The following GRIK2 variants were observed in gnomAD, a reference collection of about 807,000 sequenced individuals.
GRIK2 encodes glutamate receptor ionotropic, kainate 2.
Under a neutral mutation model 100.3 loss-of-function variants are expected in GRIK2, and 32 were observed. That is an observed-to-expected ratio of 0.32 (90% CI 0.24 to 0.43). The LOEUF (loss-of-function observed/expected upper bound fraction) is 0.43. Among genes scored for constraint, GRIK2 ranks in the 20% least tolerant of loss-of-function variants. GRIK2 has a pLI of 1.00. For synonymous variants in GRIK2, 417 were observed against 389.4 expected (o/e 1.07, Z -0.83); for missense variants, 843 against 1,114.9 (o/e 0.76, Z 3.47).
At chr6:101,398,741 G>T (rs1373784913) in intron 1 of GRIK2, 1 of 339,586 alleles carries the variant, frequency 2.9e-6, no homozygotes, top group East Asian at 4.7e-5. Flanking sequence ...CTGTCAGATC[G>T]GTTGCATAAT....
At chr6:102,034,281 G>T (rs974094325) in intron 14 of GRIK2, among the ~76,000 whole-genome samples, 2 of 151,144 alleles carry the variant, frequency 1.3e-5, no homozygotes, top group Non-Finnish European at 3.0e-5. Flanking sequence ...CTGTAATATT[G>T]TGGGCCTGCC....
In GRIK2 at chr6:101,488,510, C is replaced by A. The variant is rs779892311; in HGVS notation, c.115+89118C>A. On this transcript the variant is annotated intron_variant, in intron 2 of 16. Transcript: ENST00000369134. ...TTTGTGTGAGGTTTATCAGAGAGAT[C>A]ATCAAGAGAATTATTTTCACTTTTG... Among the ~76,000 whole-genome samples the A allele has an allele frequency of 4.8e-5, 7 of 146,578 alleles. 1 individual carries two copies. Among genetic ancestry groups the A allele is most frequent in the Non-Finnish European group, 1.1e-4 (7 of 66,578 alleles).
At chr6:101,721,859 A>T (rs1485862791) in intron 7 of GRIK2, among the ~76,000 whole-genome samples, 1 of 151,974 alleles carries the variant, frequency 6.6e-6, no homozygotes, top group Non-Finnish European at 1.5e-5. Flanking sequence ...TTAAGAAATT[A>T]CTTCTCACAA....
intron 14 of GRIK2, among the ~76,000 whole-genome samples, chr6:102,013,768 C>G (rs1795675306): frequency 6.6e-6 from 1 of 152,090 alleles, no homozygotes; most frequent in African/African-American, 2.4e-5. Flanking sequence ...CCTTGAATCC[C>G]AGGGAAAATG....
chr6:101,491,094 G>A (rs1416324526), intron 2 of GRIK2, among the ~76,000 whole-genome samples: 1 of 117,028 alleles, frequency 8.5e-6, no homozygotes, highest in African/African-American at 3.7e-5. Flanking sequence ...TGAAAGTCAG[G>A]AACAGATCTT....
chr6:101,525,799 C>G (rs192218857), intron 2 of GRIK2, among the ~76,000 whole-genome samples: 24 of 152,202 alleles, frequency 1.6e-4, no homozygotes, highest in African/African-American at 5.8e-4. Flanking sequence ...TACATGCTGT[C>G]AATTCTGTTA....
At chr6:101,901,897 T>A (rs1322880743) in intron 12 of GRIK2, among the ~76,000 whole-genome samples, 1 of 152,000 alleles carries the variant, frequency 6.6e-6, no homozygotes, top group African/African-American at 2.4e-5. Context: ...ATAATACATT[T>A]AATAGCATAT....
At chr6:101,689,206 C>G (rs1771919536) in intron 7 of GRIK2, among the ~76,000 whole-genome samples, 2 of 152,034 alleles carry the variant, frequency 1.3e-5, no homozygotes, top group Admixed American at 6.6e-5. Context: ...GGCATTGTGG[C>G]ATTGGCAACA....
chr6:102,011,876 C>CACGCCA (rs1795561890), intron 14 of GRIK2, among the ~76,000 whole-genome samples: 1 of 152,086 alleles, frequency 6.6e-6, no homozygotes. Context: ...CGTGAGCCAC[C>CACGCCA]ACGCCAGGCC....
At chr6:101,687,717 T>C (rs757444967) in intron 7 of GRIK2, among the ~76,000 whole-genome samples, 1 of 151,870 alleles carries the variant, frequency 6.6e-6, no homozygotes. Context: ...AATTTCAAAA[T>C]ATATCCGTAT....
At chr6:101,818,864 A>T (rs1417410581) in intron 10 of GRIK2, among the ~76,000 whole-genome samples, 2 of 152,142 alleles carry the variant, frequency 1.3e-5, no homozygotes, top group Non-Finnish European at 2.9e-5. Flanking sequence ...TTCCGCAAAT[A>T]TATTTCATAG....
chr6:101,600,392 G>T (rs531452059), intron 2 of GRIK2, among the ~76,000 whole-genome samples: 1 of 151,752 alleles, frequency 6.6e-6, no homozygotes, highest in South Asian at 2.1e-4. Flanking sequence ...GCTATTTTTT[G>T]GTTCCATGTG....
chr6:102,021,871 C>A (rs1449657386), intron 14 of GRIK2, among the ~76,000 whole-genome samples: 1 of 150,312 alleles, frequency 6.7e-6, no homozygotes, highest in South Asian at 2.1e-4. Context: ...GTTTTGTGAG[C>A]GGGTGTCACT....
At chr6:101,902,475 A>G (rs915333426) in intron 12 of GRIK2, among the ~76,000 whole-genome samples, 1 of 151,904 alleles carries the variant, frequency 6.6e-6, no homozygotes, top group Non-Finnish European at 1.5e-5. Flanking sequence ...CTTAAAGTAA[A>G]TGTCAGTTTA....
At chr6:102,059,731 CT>C (rs1771652645) in intron 16 of GRIK2, among the ~76,000 whole-genome samples, 1 of 150,718 alleles carries the variant, frequency 6.6e-6, no homozygotes, top group African/African-American at 2.4e-5. Flanking sequence ...CATATGTCTA[CT>C]TTTAACAGAC....
chr6:101,922,250 T>C (rs543681568), intron 12 of GRIK2, among the ~76,000 whole-genome samples: 3 of 151,994 alleles, frequency 2.0e-5, no homozygotes, highest in African/African-American at 4.8e-5. Flanking sequence ...AATTTGGATA[T>C]CTCCCCAACC....
In GRIK2 at chr6:102,006,368, T is replaced by TTATATA. The variant is rs3029070; in HGVS notation, c.2086-28955_2086-28950dup. 1.1e-3 allele frequency among the ~76,000 whole-genome samples: 136 copies of TTATATA among 125,792 alleles called. 2 individuals carry two copies. Among genetic ancestry groups the TTATATA allele is most frequent in the South Asian group, 3.3e-3 (13 of 3,964 alleles). 82.5% of individuals were successfully genotyped at this position (125,792 alleles called of 152,430 possible). A position where few individuals can be genotyped will look rare whatever the true frequency, so the allele number is the denominator to read the frequency against. On this transcript the variant is annotated intron_variant, in intron 14 of 16. Transcript: ENST00000369134. The stretch of plus-strand genomic sequence containing the variant: ...GATTTGAGAAAAGATGATAAACCTT[T>TTATATA]TATATATATATATATATATATATTT...
At chr6:101,873,299 A>T (rs1254168715) in intron 11 of GRIK2, among the ~76,000 whole-genome samples, 3 of 131,864 alleles carry the variant, frequency 2.3e-5, no homozygotes, top group African/African-American at 8.7e-5. Context: ...CCTGTGTCCA[A>T]GTGTTCTCAT....
chr6:101,489,680 C>T (rs947773527), intron 2 of GRIK2, among the ~76,000 whole-genome samples: 6 of 145,548 alleles, frequency 4.1e-5, no homozygotes, highest in African/African-American at 1.6e-4. Flanking sequence ...AGTAGTGTTC[C>T]TCTGTAAAAC....
Sources: gnomAD v4.1 joint callset for allele counts (sites outside exome capture counted in the v4.1 genomes callset) on GRCh38, gnomAD v4.1.1 for gene constraint, MANE v1.5 for transcripts, NCBI Gene and HGNC (gene_info 2026-07-23, HGNC 2026-07-21) for gene names.